PURG: variants seen among roughly 807,000 people sequenced by gnomAD.
PURG encodes the protein purine rich element binding protein G, also known as purine-rich element-binding protein gamma.
PURG carries 3 observed loss-of-function variants against 24.3 expected under a neutral mutation model. That is an observed-to-expected ratio of 0.12 (90% CI 0.06 to 0.32). PURG has a LOEUF of 0.32. Ranked by LOEUF, PURG falls within the 10% of genes least tolerant of loss-of-function variation. The probability of loss-of-function intolerance (pLI) is 1.00; values close to 1 mark genes in which losing one functional copy is unlikely to be tolerated. For synonymous variants in PURG, 180 were observed against 173.1 expected (o/e 1.04, Z -0.31); for missense variants, 371 against 439.1 (o/e 0.84, Z 1.39).
At chr8:31,000,643 C>T (rs949336898) in intron 1 of PURG, among the ~76,000 whole-genome samples, 5 of 151,998 alleles carry the variant, frequency 3.3e-5, no homozygotes, top group Admixed American at 2.6e-4. Context: ...CATAAAAGTA[C>T]TAAAATTAAA....
At chr8:31,022,762 T>A (rs1423284485) in intron 1 of PURG, among the ~76,000 whole-genome samples, 1 of 152,268 alleles carries the variant, frequency 6.6e-6, no homozygotes, top group African/African-American at 2.4e-5. Flanking sequence ...GATTTTGTTC[T>A]ATTGACATTC....
rs1240018687 is a variant in PURG, at chr8:31,032,746, G to GGCCGCC, written c.31_36dup (p.Gly11_Gly12dup). 3.5e-6 allele frequency: 5 copies of GGCCGCC among 1,436,410 alleles called. No homozygotes were observed. The highest frequency in any genetic ancestry group is 2.5e-5 in the East Asian group (1 of 40,320). 89.0% of individuals were successfully genotyped at this position (1,436,410 alleles called of 1,614,324 possible). The stretch of plus-strand genomic sequence containing the variant: ...CCTACATTCTTGCCTCCGCGGCCGC[G>GGCCGCC]GCCGCCGCCGCCTCCCCTTCGCCTG... On this transcript the variant is annotated inframe_insertion, in exon 2 of 2. Coordinates refer to ENST00000523392, the MANE Select transcript of PURG (RefSeq NM_001323311.2). The surrounding 1 kb of genome is among the most constrained non-coding windows in gnomAD (Gnocchi z 5.9).
downstream of PURG, among the ~76,000 whole-genome samples, chr8:31,030,610 T>A (rs1811175710): frequency 6.6e-6 from 1 of 151,866 alleles, no homozygotes; most frequent in African/African-American, 2.4e-5. Flanking sequence ...CAAATAATAT[T>A]TTTCTCAGAC....
At position 31,031,314 on chromosome 8, in the gene PURG, T is replaced by G. The variant is rs905140019; in HGVS notation, c.*425A>C. The G allele has an allele frequency of 1.2e-5, 2 of 161,010 alleles. No homozygotes were observed. The highest frequency in any genetic ancestry group is 4.8e-5 in the African/African-American group (2 of 41,582). The allele number at this position is 161,010 out of a possible 1,614,324, so 10.0% of individuals were successfully genotyped here. On this transcript the variant is annotated 3_prime_UTR_variant, in exon 2 of 2. Transcript: ENST00000523392. Reference sequence around the variant, plus strand: ...GGTCAATTTCTGTTTCTGTGGTAACTGCCCTACAGGTAAGCTTAGCAGCTT... The same window carrying G: ...GGTCAATTTCTGTTTCTGTGGTAACGGCCCTACAGGTAAGCTTAGCAGCTT...
intron 1 of PURG, among the ~76,000 whole-genome samples, chr8:31,002,932 T>C (rs968343180): frequency 2.6e-5 from 4 of 152,212 alleles, no homozygotes; most frequent in Admixed American, 1.3e-4. Flanking sequence ...GATAATGAAC[T>C]GTTTAGAGAC....
chr8:31,032,403 G>T lies in PURG; in HGVS notation c.380C>A (p.Ala127Asp). Residue 127 changes from alanine (A) to aspartate (D), a missense_variant, in exon 2 of 2, where the codon GCC (alanine) becomes GAC (aspartate). Transcript: ENST00000523392. The surrounding 1 kb of genome is among the most constrained non-coding windows in gnomAD (Gnocchi z 5.9). Reference protein sequence around the residue: ...DCLGDFIEHYAHLGLKGHRQE... With the variant: ...DCLGDFIEHYDHLGLKGHRQE... ...CCGGTGGCCTTTCAGGCCCAGGTGG[G>T]CATAGTGCTCGATGAAGTCCCCTAG... 6.2e-7 allele frequency: 1 copy of T among 1,613,794 alleles called. No homozygotes were observed. The highest frequency in any genetic ancestry group is 8.5e-7 in the Non-Finnish European group (1 of 1,180,026).
rs937956537 is a variant in PURG, at chr8:31,031,653, A to G, written c.*86T>C. 1.5e-5 allele frequency: 20 copies of G among 1,320,548 alleles called. No individual in the cohort carries two copies. In the African/African-American group the frequency reaches 2.8e-4, roughly 19 times the overall value. 81.8% of individuals were successfully genotyped at this position (1,320,548 alleles called of 1,614,324 possible). On this transcript the variant is annotated 3_prime_UTR_variant, in exon 2 of 2. Coordinates refer to ENST00000523392, the MANE Select transcript of PURG (RefSeq NM_001323311.2). ...TACTAATAACAACGGGCCAAAAAAG[A>G]GGAAAAACTTCTTCAAAGGATAATG...
At chr8:31,013,140 G>A (rs773755603) in intron 1 of PURG, among the ~76,000 whole-genome samples, 1 of 152,138 alleles carries the variant, frequency 6.6e-6, no homozygotes, top group Admixed American at 6.5e-5. Flanking sequence ...AGAGGGCACT[G>A]CTTGAATTAG....
At chr8:31,000,439 T>C (rs1810514979) in intron 1 of PURG, among the ~76,000 whole-genome samples, 1 of 152,176 alleles carries the variant, frequency 6.6e-6, no homozygotes, top group African/African-American at 2.4e-5. Flanking sequence ...ATTTTTGTTG[T>C]TTCTGAGTGT....
chr8:31,018,158 T>TA (rs1468286557), intron 1 of PURG, among the ~76,000 whole-genome samples: 1 of 152,228 alleles, frequency 6.6e-6, no homozygotes. Context: ...ACCTAGTTCT[T>TA]ACGTTGTTTT....
intron 1 of PURG, among the ~76,000 whole-genome samples, chr8:31,006,661 C>T (rs1030085598): frequency 1.3e-5 from 2 of 152,190 alleles, no homozygotes; most frequent in African/African-American, 4.8e-5. Flanking sequence ...CATACAAAGA[C>T]ATCTAAAACA....
downstream of PURG, among the ~76,000 whole-genome samples, chr8:31,028,072 A>G (rs1395077342): frequency 6.6e-6 from 1 of 151,772 alleles, no homozygotes; most frequent in Non-Finnish European, 1.5e-5. Context: ...TGAAACAATG[A>G]TTGAAAAAAA....
At chr8:31,002,280 C>A (rs528536409) in intron 1 of PURG, among the ~76,000 whole-genome samples, 2 of 152,068 alleles carry the variant, frequency 1.3e-5, no homozygotes, top group East Asian at 3.9e-4. Flanking sequence ...TCTCTTCTAG[C>A]CCTAAAATTC....
intron 1 of PURG, among the ~76,000 whole-genome samples, chr8:30,999,427 A>G (rs4733067): frequency 0.56 from 84,562 of 151,616 alleles, 24,701 homozygotes; most frequent in East Asian, 0.96. Context: ...AGGTTTTGAA[A>G]TTAGGATAGA....
downstream of PURG, among the ~76,000 whole-genome samples, chr8:31,026,542 T>TA (rs949592164): frequency 6.7e-6 from 1 of 149,676 alleles, no homozygotes; most frequent in Admixed American, 6.7e-5. Context: ...ATATCTAAGT[T>TA]AAAAAAAAGT....
At chr8:31,017,797 T>G (rs1332538456) in intron 1 of PURG, among the ~76,000 whole-genome samples, 1 of 152,190 alleles carries the variant, frequency 6.6e-6, no homozygotes, top group Non-Finnish European at 1.5e-5. Flanking sequence ...ACGATGTTGC[T>G]TCTTTCCACC....
At chr8:31,016,304 T>A (rs1189397315) in intron 1 of PURG, among the ~76,000 whole-genome samples, 1 of 151,780 alleles carries the variant, frequency 6.6e-6, no homozygotes, top group Admixed American at 6.6e-5. Context: ...CACTTGAACC[T>A]GGGAGGTGGA....
intron 1 of PURG, among the ~76,000 whole-genome samples, chr8:30,998,102 A>G (rs1563301939): frequency 6.6e-6 from 1 of 151,868 alleles, no homozygotes; most frequent in Non-Finnish European, 1.5e-5. Context: ...AGATTTAAAA[A>G]TAAAAACTGT....
At chr8:31,011,121 G>A (rs1275517525) in intron 1 of PURG, among the ~76,000 whole-genome samples, 4 of 152,170 alleles carry the variant, frequency 2.6e-5, no homozygotes, top group African/African-American at 9.7e-5. Context: ...CCAAACATAT[G>A]AGGAGAAAAA....
Sources: gnomAD v4.1 joint callset for allele counts (sites outside exome capture counted in the v4.1 genomes callset) on GRCh38, gnomAD v4.1.1 for gene constraint, Gnocchi (gnomAD v3.1) non-coding constraint, MANE v1.5 for transcripts, NCBI Gene and HGNC (gene_info 2026-07-23, HGNC 2026-07-21) for gene names.